The following RASEF variants were observed in gnomAD, a reference collection of about 807,000 sequenced individuals.
RASEF encodes the protein ras and EF-hand domain-containing protein.
A neutral mutation model predicts 90.1 loss-of-function variants in RASEF; 68 were observed. That is an observed-to-expected ratio of 0.75 (90% CI 0.62 to 0.92). The LOEUF (loss-of-function observed/expected upper bound fraction) is 0.92, where lower values mean the gene tolerates loss of function less well. Ranked by LOEUF, RASEF falls within the 40% of genes least tolerant of loss-of-function variation. The probability of loss-of-function intolerance (pLI) is 0.00; values close to 1 mark genes in which losing one functional copy is unlikely to be tolerated. For synonymous variants in RASEF, 331 were observed against 345.2 expected, an observed-to-expected ratio of 0.96 and a Z score of 0.46; for missense variants, 949 against 937.2, an observed-to-expected ratio of 1.01 and a Z score of -0.16.
the RASEF span, among the ~76,000 whole-genome samples, chr9:83,186,160 T>G: frequency 7.2e-5 from 11 of 152,152 alleles, no homozygotes; most frequent in Non-Finnish European, 1.5e-4. Context: ...ACAAGTAGCT[T>G]CTAAATTTGG....
Position 83,012,520 on chromosome 9 carries a change from C to T in RASEF, c.766-9G>A. 6.4e-7 allele frequency: 1 copy of T among 1,565,498 alleles called. No individual in the cohort carries two copies. The highest frequency in any genetic ancestry group is 8.7e-7 in the Non-Finnish European group (1 of 1,150,502). On this transcript the variant is annotated splice_polypyrimidine_tract_variant and intron_variant, in intron 4 of 16. Transcript: ENST00000376447. ...TTTGATTGTTCTTCGAGCTGAAAGA[C>T]CAAATAAAAGTTGTGTGCTTACAAA... is the stretch of plus-strand genomic sequence containing the variant.
intron 5 of RASEF, among the ~76,000 whole-genome samples, chr9:83,010,758 C>G (rs1314493577): frequency 6.6e-6 from 1 of 152,110 alleles, no homozygotes; most frequent in Non-Finnish European, 1.5e-5. Flanking sequence ...CCACTCACAC[C>G]GGTAACTGGG....
the RASEF span, among the ~76,000 whole-genome samples, chr9:83,213,261 A>C: frequency 6.6e-6 from 1 of 151,870 alleles, no homozygotes; most frequent in South Asian, 2.1e-4. Flanking sequence ...TTAGAGGGGC[A>C]TGGTGGCATG....
the RASEF span, among the ~76,000 whole-genome samples, chr9:83,181,341 AC>A: frequency 6.6e-6 from 1 of 152,084 alleles, no homozygotes; most frequent in Non-Finnish European, 1.5e-5. Context: ...GGGTAGAGTT[AC>A]AAGGAGCAGA....
At chr9:83,107,224 A>C in the RASEF span, among the ~76,000 whole-genome samples, 1 of 152,166 alleles carries the variant, frequency 6.6e-6, no homozygotes, top group East Asian at 1.9e-4. Context: ...ATCTTTCTCC[A>C]CTTCTCTTAC....
the RASEF span, among the ~76,000 whole-genome samples, chr9:83,210,424 A>T: frequency 6.6e-6 from 1 of 152,242 alleles, no homozygotes; most frequent in Non-Finnish European, 1.5e-5. Flanking sequence ...TAGAATGATG[A>T]AGTGACTTCT....
chr9:83,113,122 G>A, the RASEF span, among the ~76,000 whole-genome samples: 1 of 152,302 alleles, frequency 6.6e-6, no homozygotes, highest in African/African-American at 2.4e-5. Flanking sequence ...GGGACCGACT[G>A]GAGCCGAGGC....
chr9:83,124,036 G>T, the RASEF span, among the ~76,000 whole-genome samples: 1 of 152,042 alleles, frequency 6.6e-6, no homozygotes, highest in Non-Finnish European at 1.5e-5. Context: ...CATGTCAGTG[G>T]GATCATACAG....
At chr9:83,022,862 A>T (rs1028041063) in intron 2 of RASEF, among the ~76,000 whole-genome samples, 1 of 152,220 alleles carries the variant, frequency 6.6e-6, no homozygotes, top group East Asian at 1.9e-4. Flanking sequence ...ATGTATCTAA[A>T]CACAGAATAG....
the RASEF span, among the ~76,000 whole-genome samples, chr9:83,188,685 T>C: frequency 4.6e-5 from 7 of 152,102 alleles, no homozygotes; most frequent in Non-Finnish European, 1.0e-4. Context: ...GAGACCAGGA[T>C]CTCTTTTCCT....
At position 82,992,886 on chromosome 9, in the gene RASEF, T is replaced by C. The variant is rs1272577540; in HGVS notation, c.2040+20A>G. 3 of 1,612,288 alleles carry C rather than the reference T, an allele frequency of 1.9e-6. No individual in the cohort carries two copies. Among genetic ancestry groups the C allele is most frequent in the South Asian group, 2.2e-5 (2 of 90,774 alleles). Reference sequence around the variant, plus strand: ...TAAACCCCATGTTCTCTTCTAATTCTGAGGCATCCTCACTCTTACCATGGC... The same window carrying C: ...TAAACCCCATGTTCTCTTCTAATTCCGAGGCATCCTCACTCTTACCATGGC... On this transcript the variant is annotated intron_variant, in intron 15 of 16. Transcript: ENST00000376447.
chr9:83,045,149 AAC>A lies in RASEF; in HGVS notation c.431+17286_431+17287del, dbSNP rs1433018272. On this transcript the variant is annotated intron_variant, in intron 1 of 16. Transcript: ENST00000376447. The stretch of plus-strand genomic sequence containing the variant: ...ATGTGTGTACATATGGTATATATAT[AAC>A]ACATACATTTTATATGTGTGTCTGT... Among the ~76,000 whole-genome samples, 21 of 152,334 alleles carry A rather than the reference AAC, an allele frequency of 1.4e-4. No individual in the cohort carries two copies. In the South Asian group the frequency reaches 1.5e-3, roughly 11 times the overall value.
chr9:83,092,067 G>A, the RASEF span, among the ~76,000 whole-genome samples: 2 of 125,984 alleles, frequency 1.6e-5, no homozygotes, highest in African/African-American at 3.0e-5. Flanking sequence ...ATGCCCCAAG[G>A]AGTGCTGGAA....
the RASEF span, among the ~76,000 whole-genome samples, chr9:83,097,477 TG>T: frequency 1.3e-5 from 2 of 152,134 alleles, no homozygotes; most frequent in African/African-American, 4.8e-5. Flanking sequence ...ACCTACAGAA[TG>T]GGAGAAAATT....
intron 9 of RASEF, 135 bp from the exon 10 acceptor site, chr9:83,001,265 A>C (rs1045659267): frequency 1.6e-6 from 1 of 622,366 alleles, no homozygotes; most frequent in Non-Finnish European, 2.8e-6. Context: ...TTTCATGATT[A>C]GGCATTAGGG....
chr9:83,002,817 C>T (rs550845482), intron 9 of RASEF, among the ~76,000 whole-genome samples: 2 of 152,202 alleles, frequency 1.3e-5, no homozygotes, highest in African/African-American at 4.8e-5. Flanking sequence ...TATAGGCACA[C>T]TCAGCATTAT....
the RASEF span, among the ~76,000 whole-genome samples, chr9:83,212,588 A>C: frequency 5.9e-5 from 9 of 152,256 alleles, no homozygotes; most frequent in Non-Finnish European, 1.2e-4. Flanking sequence ...CTTGAATGAC[A>C]GAATTTCTCT....
chr9:83,176,261 CTAA>C, the RASEF span, among the ~76,000 whole-genome samples: 53 of 152,242 alleles, frequency 3.5e-4, no homozygotes, highest in East Asian at 5.6e-3. Flanking sequence ...TTGCTGTCTA[CTAA>C]TGTTTCTGTT....
At chr9:83,193,346 A>T in the RASEF span, among the ~76,000 whole-genome samples, 1 of 152,244 alleles carries the variant, frequency 6.6e-6, no homozygotes, top group Admixed American at 6.5e-5. Context: ...ACCTACAGCT[A>T]TGTAGAATCA....
Sources: allele counts gnomAD v4.1 joint callset (sites outside exome capture counted in the v4.1 genomes callset), GRCh38; gene constraint gnomAD v4.1.1; transcripts MANE v1.5; gene names NCBI Gene and HGNC (gene_info 2026-07-23, HGNC 2026-07-21).